USP38: variants seen among roughly 807,000 people sequenced by gnomAD.
The protein encoded by USP38 is ubiquitin carboxyl-terminal hydrolase 38.
USP38 carries 49 observed loss-of-function variants against 94.3 expected under a neutral mutation model. That is an observed-to-expected ratio of 0.52 (90% CI 0.41 to 0.66). The LOEUF (loss-of-function observed/expected upper bound fraction) is 0.66, where lower values mean the gene tolerates loss of function less well. Ranked by LOEUF, USP38 falls within the 30% of genes least tolerant of loss-of-function variation. The pLI is 0.00. For synonymous variants in USP38, 468 were observed against 463.6 expected (o/e 1.01, Z -0.12); for missense variants, 1,128 against 1,229.4 (o/e 0.92, Z 1.23).
chr4:143,212,234 T>TTA, intron 7 of USP38, 84 bp from the exon 8 acceptor site: 1 of 1,105,228 alleles, frequency 9.0e-7, no homozygotes. Flanking sequence ...ATAACCTTTA[T>TTA]TAAACACTGT....
rs772321535 is a variant in USP38 at position 143,197,932 on chromosome 4, A to G, written c.1050+8A>G. On this transcript the variant is annotated splice_region_variant and intron_variant, in intron 4 of 9. Transcript: ENST00000307017. ...CCAGAGGCGTTCCATTTGGTAAGTT[A>G]TGACATAAACGTTCTACTTTGAAAA... 1 of 1,594,068 alleles carries G rather than the reference A, an allele frequency of 6.3e-7. No individual in the cohort carries two copies. The highest frequency in any genetic ancestry group is 1.7e-5 in the Admixed American group (1 of 57,282).
chr4:143,185,946 A>C lies in USP38; in HGVS notation c.496A>C (p.Thr166Pro). The change falls in exon 1 of 10, where the codon ACG (threonine) becomes CCG (proline). Residue 166 changes from threonine (T) to proline (P), a missense_variant. Transcript: ENST00000307017. ...CATCCCCAAGGGGAAATTGTCCATC[A>C]CGTTCTGTCAACAGCTGGTTCGAAC... ...QCIPKGKLSI[T>P]FCQQLVRTIG... is the part of the protein sequence containing the mutation. 6.2e-7 allele frequency: 1 copy of C among 1,614,118 alleles called. No homozygotes were observed. The highest frequency in any genetic ancestry group is 1.1e-5 in the South Asian group (1 of 91,076).
chr4:143,186,058 A>C lies in USP38; in HGVS notation c.608A>C (p.Gln203Pro), dbSNP rs1176024481. ...GTGACAAAAGTGAGTAACTTGCTGCAGAACATCTGGAAGGCCGAGCCTGCC... is the reference window on the plus strand; with the variant it reads ...GTGACAAAAGTGAGTAACTTGCTGCCGAACATCTGGAAGGCCGAGCCTGCC... The part of the protein sequence containing the change: ...SQVTKVSNLL[Q>P]NIWKAEPATL... Residue 203 changes from glutamine to proline, a missense_variant, in exon 1 of 10, where the codon CAG (glutamine) becomes CCG (proline). Gln to Pro is a moderately conservative substitution (Grantham distance 76). Transcript: ENST00000307017. The C allele has an allele frequency of 6.2e-7, 1 of 1,614,108 alleles. No homozygotes were observed. Among genetic ancestry groups the C allele is most frequent in the Admixed American group, 1.7e-5 (1 of 60,016 alleles).
At chr4:143,201,951 A>G (rs2149608183) in intron 4 of USP38, among the ~76,000 whole-genome samples, 1 of 152,186 alleles carries the variant, frequency 6.6e-6, no homozygotes, top group East Asian at 1.9e-4. Context: ...ACCATTTGAG[A>G]TATAGTAATA....
At chr4:143,187,591 A>G (rs562772195) in intron 1 of USP38, among the ~76,000 whole-genome samples, 3 of 152,324 alleles carry the variant, frequency 2.0e-5, no homozygotes, top group Admixed American at 6.5e-5. Context: ...CCATATCAAT[A>G]TATTTCAGTA....
intron 3 of USP38, among the ~76,000 whole-genome samples, chr4:143,197,328 G>GCATT (rs1330181225): frequency 6.6e-6 from 1 of 152,104 alleles, no homozygotes; most frequent in African/African-American, 2.4e-5. Context: ...TTGCTACACA[G>GCATT]CATTCCCTAT....
At chr4:143,204,069 C>A (rs1483067145) in intron 5 of USP38, among the ~76,000 whole-genome samples, 1 of 151,936 alleles carries the variant, frequency 6.6e-6, no homozygotes, top group Non-Finnish European at 1.5e-5. Context: ...GCAACCTTCA[C>A]CTCCTGGATT....
In USP38 at chr4:143,222,521, T is replaced by C. The variant is rs532012613; in HGVS notation, c.*2065T>C. 6.6e-6 allele frequency: 1 copy of C among 152,214 alleles called. No homozygotes were observed. Among genetic ancestry groups the C allele is most frequent in the African/African-American group, 2.4e-5 (1 of 41,582 alleles). 9.4% of individuals were successfully genotyped at this position (152,214 alleles called of 1,614,324 possible). A position where few individuals can be genotyped will look rare whatever the true frequency, so the allele number is the denominator to read the frequency against. On this transcript the variant is annotated 3_prime_UTR_variant, in exon 10 of 10. Coordinates refer to ENST00000307017, the MANE Select transcript of USP38 (RefSeq NM_032557.6). ...TTCATTTGTACTATTTTTTATGATA[T>C]TTATTGGTTTTTTAAATTTTCTATC...
chr4:143,213,491 G>C, intron 8 of USP38, 90 bp from the exon 9 acceptor site: 3 of 1,284,340 alleles, frequency 2.3e-6, no homozygotes, highest in South Asian at 1.8e-5. Context: ...AATTTGATTA[G>C]AATAGTTTAT....
Position 143,213,716 on chromosome 4 carries a change from C to T in USP38, c.1740C>T (p.Asp580=), listed in dbSNP as rs140735635. 21 of 1,613,544 alleles carry T rather than the reference C, an allele frequency of 1.3e-5. No individual in the cohort carries two copies. The highest frequency in any genetic ancestry group is 1.7e-5 in the Admixed American group (1 of 59,912). ...AVLTETPRTS[D]GEKTLIEKMF... Reference sequence around the variant, plus strand: ...TAACAGAGACCCCTCGTACAAGTGACGGTGAGAAGACTTTAATAGAAAAAA... The same window carrying T: ...TAACAGAGACCCCTCGTACAAGTGATGGTGAGAAGACTTTAATAGAAAAAA... The change falls in exon 9 of 10, where the codon GAC becomes GAT. Residue 580 remains aspartate, a synonymous_variant. Transcript: ENST00000307017.
At chr4:143,205,948 ATCT>A in intron 5 of USP38, 82 bp from the exon 6 acceptor site, 1 of 1,041,920 alleles carries the variant, frequency 9.6e-7, no homozygotes, top group Non-Finnish European at 1.3e-6. Flanking sequence ...CGGTGTAAGA[ATCT>A]TCTTAATGGT....
At chr4:143,205,314 G>A (rs1282881243) in intron 5 of USP38, among the ~76,000 whole-genome samples, 1 of 152,174 alleles carries the variant, frequency 6.6e-6, no homozygotes, top group African/African-American at 2.4e-5. Context: ...CTAAGTGCCA[G>A]ATGCTAATAG....
At chr4:143,215,927 TTAAC>T (rs777576144) in intron 9 of USP38, among the ~76,000 whole-genome samples, 22 of 152,250 alleles carry the variant, frequency 1.4e-4, no homozygotes, top group Non-Finnish European at 2.4e-4. Context: ...TTTGAACTGA[TTAAC>T]TACTGAAGAC....
At chr4:143,217,029 C>A (rs1353517578) in intron 9 of USP38, among the ~76,000 whole-genome samples, 1 of 152,084 alleles carries the variant, frequency 6.6e-6, no homozygotes, top group Admixed American at 6.5e-5. Flanking sequence ...CCAGGCTGGT[C>A]TCAAATTCCT....
At chr4:143,218,067 C>T (rs946787473) in intron 9 of USP38, among the ~76,000 whole-genome samples, 16 of 152,044 alleles carry the variant, frequency 1.1e-4, no homozygotes, top group African/African-American at 3.1e-4. Flanking sequence ...ACCCATCTGT[C>T]GTGCATCAGC....
Position 143,185,759 on chromosome 4 carries a change from C to T in USP38, c.309C>T (p.Ile103=). The change falls in exon 1 of 10, where the codon ATC becomes ATT. Residue 103 remains isoleucine (I), a synonymous_variant. Transcript: ENST00000307017. ...CTCTGGACAGGAAGGATGTAGCCAT[C>T]CTGGACTACATTCACAACGGCCTGA... The part of the protein sequence containing the change: ...YHSLDRKDVA[I]LDYIHNGLKL... 1 of 1,614,182 alleles carries T rather than the reference C, an allele frequency of 6.2e-7. No homozygotes were observed. The highest frequency in any genetic ancestry group is 8.5e-7 in the Non-Finnish European group (1 of 1,180,030).
At chr4:143,212,289 C>G in intron 7 of USP38, 29 bp from the exon 8 acceptor site, 1 of 1,506,244 alleles carries the variant, frequency 6.6e-7, no homozygotes, top group Non-Finnish European at 9.2e-7. Context: ...AGAATCACTT[C>G]CTTATATTTT....
chr4:143,219,677 T>A (rs1732273626), intron 9 of USP38, among the ~76,000 whole-genome samples: 1 of 152,134 alleles, frequency 6.6e-6, no homozygotes, highest in Non-Finnish European at 1.5e-5. Flanking sequence ...TAGAATCCAG[T>A]TGTATACCTT....
In USP38 at chr4:143,223,407, A is replaced by G. The variant is rs1255204472; in HGVS notation, c.*2951A>G. The G allele has an allele frequency of 1.3e-5, 2 of 152,154 alleles. No individual in the cohort carries two copies. The highest frequency in any genetic ancestry group is 4.8e-5 in the African/African-American group (2 of 41,462). The allele number at this position is 152,154 out of a possible 1,614,324, so 9.4% of individuals were successfully genotyped here. A position where few individuals can be genotyped will look rare whatever the true frequency, so the allele number is the denominator to read the frequency against. The stretch of plus-strand genomic sequence containing the variant: ...GGGGGTCCATGCGAAAGGTTCAAAC[A>G]GCCTATTACATTAATGCACATGTGG... On this transcript the variant is annotated 3_prime_UTR_variant, in exon 10 of 10. Transcript: ENST00000307017.
Sources: allele counts gnomAD v4.1 joint callset (sites outside exome capture counted in the v4.1 genomes callset), GRCh38; gene constraint gnomAD v4.1.1; transcripts MANE v1.5; gene names NCBI Gene and HGNC (gene_info 2026-07-23, HGNC 2026-07-21).